The following UBQLN4 variants were observed in gnomAD, a reference collection of about 807,000 sequenced individuals.
UBQLN4 encodes the protein ubiquilin-4.
UBQLN4 carries 11 observed loss-of-function variants against 60.4 expected under a neutral mutation model. The ratio of observed to expected loss-of-function variants is 0.18; its 90% confidence interval spans 0.11 to 0.30. The LOEUF (loss-of-function observed/expected upper bound fraction) is 0.30. Ranked by LOEUF, UBQLN4 falls within the 10% of genes least tolerant of loss-of-function variation. The pLI is 1.00. For missense variants in UBQLN4, 417 were observed against 795.5 expected (o/e 0.52, Z 5.72); for synonymous variants, 258 against 313.1 (o/e 0.82, Z 1.86).
intron 5 of UBQLN4, among the ~76,000 whole-genome samples, chr1:156,044,538 G>A (rs1055958823): frequency 1.3e-5 from 2 of 152,068 alleles, no homozygotes; most frequent in African/African-American, 4.8e-5. Flanking sequence ...TTTACACACA[G>A]TTTTCCCATT....
At chr1:156,042,449 G>T in intron 7 of UBQLN4, 1 of 1,403,666 alleles carries the variant, frequency 7.1e-7, no homozygotes, top group African/African-American at 1.4e-5. Context: ...AGCCTGCTCA[G>T]CCCTGGGTCT....
intron 10 of UBQLN4, among the ~76,000 whole-genome samples, chr1:156,039,595 G>A (rs1339123294): frequency 6.6e-6 from 1 of 151,934 alleles, no homozygotes; most frequent in Admixed American, 6.6e-5. Flanking sequence ...TCCTGTAAAT[G>A]TTTGCCCAAG....
At chr1:156,042,343 C>T in intron 7 of UBQLN4, 107 bp from the exon 8 acceptor site, 1 of 1,451,764 alleles carries the variant, frequency 6.9e-7, no homozygotes, top group Non-Finnish European at 9.1e-7. Flanking sequence ...GAAATCTGGC[C>T]AGCTTCTCCG....
In UBQLN4 at chr1:156,036,875, G is replaced by T. The variant is rs1683416069; in HGVS notation, c.*103C>A. 1.8e-5 allele frequency: 27 copies of T among 1,538,218 alleles called. 1 individual carries two copies. Among genetic ancestry groups the T allele is most frequent in the Non-Finnish European group, 2.3e-5 (26 of 1,144,282 alleles). On this transcript the variant is annotated 3_prime_UTR_variant, in exon 11 of 11. Transcript: ENST00000368309. ...CACCCTGCTGTTTGGAAAGGATGAGGGAGAAGACGGAAGGGAGGACAAGCT... is the reference window on the plus strand; with the variant it reads ...CACCCTGCTGTTTGGAAAGGATGAGTGAGAAGACGGAAGGGAGGACAAGCT...
chr1:156,032,098 C>T (rs142864618), downstream of UBQLN4, among the ~76,000 whole-genome samples: 5 of 150,122 alleles, frequency 3.3e-5, no homozygotes, highest in East Asian at 1.0e-3. Flanking sequence ...CTTGCTCTGC[C>T]GCCCAGCGAC....
intron 5 of UBQLN4, among the ~76,000 whole-genome samples, chr1:156,046,965 A>T (rs1558088906): frequency 6.6e-6 from 1 of 152,178 alleles, no homozygotes; most frequent in Non-Finnish European, 1.5e-5. Flanking sequence ...GATAAACCCC[A>T]ACTTCAACTT....
chr1:156,051,118 G>A lies in UBQLN4; in HGVS notation c.470C>T (p.Ser157Phe), dbSNP rs1683856664. 1 of 1,613,470 alleles carries A rather than the reference G, an allele frequency of 6.2e-7. No homozygotes were observed. The highest frequency in any genetic ancestry group is 8.5e-7 in the Non-Finnish European group (1 of 1,179,662). The change falls in exon 3 of 11, where the codon TCC becomes TTC. Residue 157 changes from serine to phenylalanine, a missense_variant. Ser to Phe is a radical substitution (Grantham distance 155). Transcript: ENST00000368309. Reference protein sequence around the residue: ...AGEGSPSATASILSGFGGILG... With the variant: ...AGEGSPSATAFILSGFGGILG... ...CCTCTCTGAGGGCTTACAGAGTATG[G>A]ACGCAGTAGCACTGGGGGATCCCTC...
chr1:156,051,384 C>A (rs762567671), intron 2 of UBQLN4, 57 bp from the exon 3 acceptor site: 49 of 1,531,030 alleles, frequency 3.2e-5, no homozygotes, highest in Non-Finnish European at 4.2e-5. Context: ...GGGAAGGTAC[C>A]GTGACAATCT....
rs1334324894 is a variant in UBQLN4, at chr1:156,035,713, A to G, written c.*1265T>C. On this transcript the variant is annotated 3_prime_UTR_variant, in exon 11 of 11. Coordinates refer to ENST00000368309, the MANE Select transcript of UBQLN4 (RefSeq NM_020131.5). ...GATAAGGGTGCTAGTCACAGCCCTGACAGCTTCAGAAAGGGTACCCACATT... is the reference window on the plus strand; with the variant it reads ...GATAAGGGTGCTAGTCACAGCCCTGGCAGCTTCAGAAAGGGTACCCACATT... The G allele has an allele frequency of 1.0e-6, 1 of 985,154 alleles. No homozygotes were observed. The highest frequency in any genetic ancestry group is 1.2e-6 in the Non-Finnish European group (1 of 829,878). 61.0% of individuals were successfully genotyped at this position (985,154 alleles called of 1,614,324 possible). A position where few individuals can be genotyped will look rare whatever the true frequency, so the allele number is the denominator to read the frequency against.
chr1:156,051,993 GC>G, intron 1 of UBQLN4, 136 bp from the exon 2 acceptor site: 1 of 1,044,160 alleles, frequency 9.6e-7, no homozygotes, highest in South Asian at 1.6e-5. Flanking sequence ...TAGTCTCGAC[GC>G]CATTCCTCCA....
intron 10 of UBQLN4, among the ~76,000 whole-genome samples, chr1:156,040,564 G>C (rs1206827175): frequency 6.7e-6 from 1 of 149,834 alleles, no homozygotes; most frequent in Non-Finnish European, 1.5e-5. Flanking sequence ...TCCTGCGTCA[G>C]CCTCCTGAGT....
chr1:156,042,754 T>G lies in UBQLN4; in HGVS notation c.1266+20A>C. On this transcript the variant is annotated intron_variant, in intron 7 of 10. Coordinates refer to ENST00000368309, the MANE Select transcript of UBQLN4 (RefSeq NM_020131.5). Reference sequence around the variant, plus strand: ...AGGAACTCTCTCCCCAACAATACTCTCCTCATGCTGGTTTCATACCTGAGC... The same window carrying G: ...AGGAACTCTCTCCCCAACAATACTCGCCTCATGCTGGTTTCATACCTGAGC... 6.2e-7 allele frequency: 1 copy of G among 1,612,068 alleles called. No homozygotes were observed.
At position 156,036,707 on chromosome 1, in the gene UBQLN4, G is replaced by C; in HGVS notation, c.*271C>G. On this transcript the variant is annotated 3_prime_UTR_variant, in exon 11 of 11. Transcript: ENST00000368309. ...TTGCAAAAGTGGTGTGGGGCAAGGA[G>C]GTAGAGTCAATCAATGAAACTGTGA... The C allele has an allele frequency of 1.7e-6, 2 of 1,202,242 alleles. No homozygotes were observed. The highest frequency in any genetic ancestry group is 5.3e-5 in the South Asian group (2 of 37,514). 74.5% of individuals were successfully genotyped at this position (1,202,242 alleles called of 1,614,324 possible).
downstream of UBQLN4, among the ~76,000 whole-genome samples, chr1:156,034,985 CA>C (rs943513796): frequency 1.3e-5 from 2 of 150,726 alleles, no homozygotes; most frequent in African/African-American, 4.9e-5. Context: ...CCTCCTGCCT[CA>C]GCCTCCCATG....
chr1:156,047,831 A>G (rs570429360), intron 5 of UBQLN4, among the ~76,000 whole-genome samples: 35 of 149,774 alleles, frequency 2.3e-4, no homozygotes, highest in Non-Finnish European at 2.5e-4. Context: ...GGCGGAGGTT[A>G]CAGTGAGCCG....
chr1:156,039,561 A>G (rs940514813), intron 10 of UBQLN4, among the ~76,000 whole-genome samples: 3 of 151,880 alleles, frequency 2.0e-5, no homozygotes, highest in African/African-American at 7.3e-5. Context: ...TTGGCTTTTC[A>G]TTCTTGTCAT....
At position 156,036,155 on chromosome 1, in the gene UBQLN4, C is replaced by T. The variant is rs1272149145; in HGVS notation, c.*823G>A. 1.0e-6 allele frequency: 1 copy of T among 985,490 alleles called. No individual in the cohort carries two copies. Among genetic ancestry groups the T allele is most frequent in the African/African-American group, 1.7e-5 (1 of 57,232 alleles). 61.0% of individuals were successfully genotyped at this position (985,490 alleles called of 1,614,324 possible). A position where few individuals can be genotyped will look rare whatever the true frequency, so the allele number is the denominator to read the frequency against. On this transcript the variant is annotated 3_prime_UTR_variant, in exon 11 of 11. Transcript: ENST00000368309. ...TTAAATTCCATTAGCATCTCTAAGT[C>T]TCTTCTGCCAGCTCGGGCCTGGATT... is the stretch of plus-strand genomic sequence containing the variant.
rs139565087 is a variant in UBQLN4, at chr1:156,050,851, T to C, written c.478+259A>G. On this transcript the variant is annotated intron_variant, in intron 3 of 10. Transcript: ENST00000368309. This position sits in a 1 kb window ranked among gnomAD's most constrained non-coding sequence, Gnocchi z 4.6. ...TTCCCCAGACTCACAGGGTCTTCCATTCCCTTTACCTAGGGTTCCCCACAT... is the reference window on the plus strand; with the variant it reads ...TTCCCCAGACTCACAGGGTCTTCCACTCCCTTTACCTAGGGTTCCCCACAT... Among the ~76,000 whole-genome samples, 294 of 152,236 alleles carry C rather than the reference T, an allele frequency of 1.9e-3. 1 individual carries two copies. Among genetic ancestry groups the C allele is most frequent in the African/African-American group, 6.8e-3 (281 of 41,554 alleles).
chr1:156,048,522 C>G lies in UBQLN4; in HGVS notation c.879G>C (p.Met293Ile). The change falls in exon 5 of 11, where the codon ATG (methionine) becomes ATC (isoleucine). Residue 293 changes from methionine to isoleucine, a missense_variant. Transcript: ENST00000368309. The surrounding 1 kb of genome is among the most constrained non-coding windows in gnomAD (Gnocchi z 4.9). ...CCACCTGTTCCCGGGCAGCACTGAA[C>G]ATGGGCTCCTGGATGTCCGTGTACA... ...RRMYTDIQEP[M>I]FSAAREQFGN... is the part of the protein sequence containing the mutation. 1 of 1,612,230 alleles carries G rather than the reference C, an allele frequency of 6.2e-7. No individual in the cohort carries two copies. The highest frequency in any genetic ancestry group is 8.5e-7 in the Non-Finnish European group (1 of 1,178,472).
Sources: allele counts gnomAD v4.1 joint callset (sites outside exome capture counted in the v4.1 genomes callset), GRCh38; gene constraint gnomAD v4.1.1; non-coding constraint Gnocchi (gnomAD v3.1); transcripts MANE v1.5; gene names NCBI Gene and HGNC (gene_info 2026-07-23, HGNC 2026-07-21).